Variants in SQOR observed in about 807,000 individuals in gnomAD.
SQOR encodes sulfide:quinone oxidoreductase, mitochondrial.
A neutral mutation model predicts 48.6 loss-of-function variants in SQOR; 39 were observed. That is an observed-to-expected ratio of 0.80 (90% CI 0.62 to 1.05). The LOEUF (loss-of-function observed/expected upper bound fraction) is 1.05. Ranked by LOEUF, SQOR falls within the 50% of genes least tolerant of loss-of-function variation. SQOR has a pLI of 0.00. For synonymous variants in SQOR, 220 were observed against 206.2 expected, an observed-to-expected ratio of 1.07 and a Z score of -0.57; for missense variants, 561 against 559.9, an observed-to-expected ratio of 1.00 and a Z score of -0.02.
intron 3 of SQOR, among the ~76,000 whole-genome samples, chr15:45,664,206 G>C (rs192429370): frequency 6.6e-6 from 1 of 152,236 alleles, no homozygotes; most frequent in Admixed American, 6.5e-5. Flanking sequence ...TGAAAGTTCT[G>C]TCTTCACTGA....
Position 45,691,128 on chromosome 15 carries a change from G to T in SQOR, c.*98G>T. Reference sequence around the variant, plus strand: ...CACGAAGGACTTGGAACCTATCCTTGTAAAGAGTTCCTTGATGGGTAATGG... The same window carrying T: ...CACGAAGGACTTGGAACCTATCCTTTTAAAGAGTTCCTTGATGGGTAATGG... On this transcript the variant is annotated 3_prime_UTR_variant, in exon 10 of 10. Transcript: ENST00000260324. 1 of 1,077,246 alleles carries T rather than the reference G, an allele frequency of 9.3e-7. No homozygotes were observed. The allele number at this position is 1,077,246 out of a possible 1,614,324, so 66.7% of individuals were successfully genotyped here.
chr15:45,640,643 A>G (rs1262842142), intron 1 of SQOR, among the ~76,000 whole-genome samples: 1 of 152,234 alleles, frequency 6.6e-6, no homozygotes, highest in African/African-American at 2.4e-5. Context: ...GATTCCAAGG[A>G]ATGATATACT....
chr15:45,686,741 C>T (rs938519401), intron 7 of SQOR, among the ~76,000 whole-genome samples: 13 of 152,228 alleles, frequency 8.5e-5, no homozygotes, highest in African/African-American at 3.1e-4. Flanking sequence ...TTTTATAATA[C>T]AAAGGTAACC....
intron 1 of SQOR, among the ~76,000 whole-genome samples, chr15:45,652,542 C>T (rs1889513051): frequency 6.6e-6 from 1 of 150,962 alleles, no homozygotes. Flanking sequence ...CCAGGTTTCA[C>T]CATGTTGGCC....
chr15:45,658,618 G>A (rs1010265683), intron 1 of SQOR, among the ~76,000 whole-genome samples: 3 of 152,214 alleles, frequency 2.0e-5, no homozygotes, highest in African/African-American at 7.2e-5. Flanking sequence ...GTACAGACAG[G>A]TTATTAGGAA....
intron 8 of SQOR, 111 bp downstream of exon 8, chr15:45,688,515 C>CT (rs377607911): frequency 0.067 from 40,873 of 613,300 alleles, 8 homozygotes; most frequent in East Asian, 0.079. Context: ...TTCTGTTTTT[C>CT]TTTTTTTTTT....
At position 45,669,784 on chromosome 15, in the gene SQOR, C is replaced by G. The variant is rs1427642292; in HGVS notation, c.406-144C>G. The G allele has an allele frequency of 3.3e-5, 23 of 707,388 alleles. No individual in the cohort carries two copies. In the East Asian group the frequency reaches 6.0e-4, roughly 18 times the overall value. 43.8% of individuals were successfully genotyped at this position (707,388 alleles called of 1,614,324 possible). A position where few individuals can be genotyped will look rare whatever the true frequency, so the allele number is the denominator to read the frequency against. ...GGGCAGGACTCCCAACCTTGTTCTG[C>G]TTCGATTTTCTCATCTGTTCTATGG... is the stretch of plus-strand genomic sequence containing the variant. On this transcript the variant is annotated intron_variant, in intron 3 of 9. Coordinates refer to ENST00000260324, the MANE Select transcript of SQOR (RefSeq NM_021199.4).
chr15:45,650,193 G>A (rs1401074432), intron 1 of SQOR, among the ~76,000 whole-genome samples: 11 of 152,266 alleles, frequency 7.2e-5, no homozygotes, highest in African/African-American at 2.4e-4. Context: ...AGGCTAGAGT[G>A]CAATGGCATG....
chr15:45,642,325 T>G (rs1464352117), intron 1 of SQOR, among the ~76,000 whole-genome samples: 1 of 152,214 alleles, frequency 6.6e-6, no homozygotes, highest in Non-Finnish European at 1.5e-5. Flanking sequence ...GACCAATGAC[T>G]GCTCAGCTCC....
At chr15:45,667,947 T>C (rs894196612) in intron 3 of SQOR, among the ~76,000 whole-genome samples, 108 of 135,704 alleles carry the variant, frequency 8.0e-4, no homozygotes, top group African/African-American at 1.7e-3. Flanking sequence ...CTTTCTTTTT[T>C]TTTTTTTTTT....
At chr15:45,654,243 G>T (rs72715019) in intron 1 of SQOR, among the ~76,000 whole-genome samples, 13,766 of 152,200 alleles carry the variant, frequency 0.09, 750 homozygotes, top group Middle Eastern at 0.21. Context: ...TATGGTTCTG[G>T]GTTTTCTGAT....
chr15:45,688,574 C>G (rs921258018), intron 8 of SQOR, among the ~76,000 whole-genome samples, 170 bp downstream of exon 8: 1 of 151,202 alleles, frequency 6.6e-6, no homozygotes, highest in Non-Finnish European at 1.5e-5. Flanking sequence ...TGCAATGGCA[C>G]GATCTCAGCT....
chr15:45,685,007 G>T (rs1371904401), intron 7 of SQOR, among the ~76,000 whole-genome samples: 1 of 152,072 alleles, frequency 6.6e-6, no homozygotes, highest in Non-Finnish European at 1.5e-5. Flanking sequence ...ATTATATCTG[G>T]GTTGTTTCCA....
At chr15:45,649,198 A>T (rs1889412501) in intron 1 of SQOR, among the ~76,000 whole-genome samples, 2 of 152,182 alleles carry the variant, frequency 1.3e-5, no homozygotes, top group South Asian at 4.1e-4. Flanking sequence ...ATGAAGTCCC[A>T]AAGACTTGTC....
intron 6 of SQOR, among the ~76,000 whole-genome samples, chr15:45,682,142 C>T (rs1443095079): frequency 6.6e-6 from 1 of 152,156 alleles, no homozygotes; most frequent in East Asian, 1.9e-4. Flanking sequence ...TATACCACCC[C>T]CTTATTTTAG....
At chr15:45,690,648 G>T (rs949224794) in intron 9 of SQOR, among the ~76,000 whole-genome samples, 7 of 149,222 alleles carry the variant, frequency 4.7e-5, no homozygotes, top group African/African-American at 1.7e-4. Context: ...ATATCAATAG[G>T]GCCAAGATTG....
chr15:45,646,713 G>T (rs1889346990), intron 1 of SQOR, among the ~76,000 whole-genome samples: 1 of 152,072 alleles, frequency 6.6e-6, no homozygotes, highest in Non-Finnish European at 1.5e-5. Context: ...CATCAAACAT[G>T]TACAAAAATA....
chr15:45,651,079 G>T (rs1206465382), intron 1 of SQOR, among the ~76,000 whole-genome samples: 1 of 152,192 alleles, frequency 6.6e-6, no homozygotes, highest in Non-Finnish European at 1.5e-5. Flanking sequence ...GCCCATCAGG[G>T]AGGCTCACCC....
intron 1 of SQOR, among the ~76,000 whole-genome samples, chr15:45,637,122 C>T (rs1375371941): frequency 6.6e-6 from 1 of 152,018 alleles, no homozygotes; most frequent in East Asian, 1.9e-4. Context: ...GCTGGGATTA[C>T]ACCAGCCACC....
Sources: allele counts gnomAD v4.1 joint callset (sites outside exome capture counted in the v4.1 genomes callset), GRCh38; gene constraint gnomAD v4.1.1; transcripts MANE v1.5; gene names NCBI Gene and HGNC (gene_info 2026-07-23, HGNC 2026-07-21).